The following KLRD1 variants were observed in gnomAD, a reference collection of about 807,000 sequenced individuals.
KLRD1 encodes natural killer cells antigen CD94.
A neutral mutation model predicts 22.6 loss-of-function variants in KLRD1; 21 were observed. The observed-to-expected ratio is 0.93, with a 90% CI of 0.66 to 1.34. KLRD1 has a LOEUF of 1.34. Among genes scored for constraint, KLRD1 ranks in the 40% most tolerant of loss-of-function variants. The pLI is 0.00. For missense variants in KLRD1, 183 were observed against 208.6 expected (o/e 0.88, Z 0.76); for synonymous variants, 59 against 71.1 (o/e 0.83, Z 0.85).
In KLRD1 at chr12:10,323,166, T is replaced by A. The variant is rs1372427132; in HGVS notation, c.*8373T>A. Reference sequence around the variant, plus strand: ...TGTGGGACATGTGGCTTCATATCTTTTGAGTGTACGCCTAGGAGTTGAATT... The same window carrying A: ...TGTGGGACATGTGGCTTCATATCTTATGAGTGTACGCCTAGGAGTTGAATT... On this transcript the variant is annotated 3_prime_UTR_variant, in exon 6 of 6. Transcript: ENST00000336164. 1 of 152,246 alleles carries A rather than the reference T, an allele frequency of 6.6e-6. No individual in the cohort carries two copies. The highest frequency in any genetic ancestry group is 1.5e-5 in the Non-Finnish European group (1 of 68,036). The allele number at this position is 152,246 out of a possible 1,614,324, so 9.4% of individuals were successfully genotyped here.
chr12:10,276,683 C>T (rs1949595185), intron 1 of KLRD1, among the ~76,000 whole-genome samples: 2 of 122,852 alleles, frequency 1.6e-5, no homozygotes, highest in Non-Finnish European at 3.4e-5. Context: ...CATGTGCCAC[C>T]ATAAAATTTG....
chr12:10,262,309 G>A lies in KLRD1; in HGVS notation c.-101+36076G>A, dbSNP rs567771434. Among the ~76,000 whole-genome samples, 3 of 152,136 alleles carry A rather than the reference G, an allele frequency of 2.0e-5. No individual in the cohort carries two copies. The East Asian group carries it at 5.8e-4, about 29-fold the overall frequency. ...ATTTTATTTTCAGTAGATATAAAAT[G>A]TCAGTTTTCTTCAAAGGAAGACCAA... On this transcript the variant is annotated intron_variant, in intron 1 of 5. Coordinates refer to the KLRD1 transcript ENST00000544747.
In KLRD1 at chr12:10,314,835, A is replaced by G. The variant is rs189603326; in HGVS notation, c.*42A>G. ...AGAAGGTGGAGAGTAAAGACCCAACATTACTAACAATGATACAGTTGCATG... is the reference window on the plus strand; with the variant it reads ...AGAAGGTGGAGAGTAAAGACCCAACGTTACTAACAATGATACAGTTGCATG... On this transcript the variant is annotated 3_prime_UTR_variant, in exon 6 of 6. Coordinates refer to ENST00000336164, the MANE Select transcript of KLRD1 (RefSeq NM_002262.5). The G allele has an allele frequency of 5.8e-5, 89 of 1,541,568 alleles. 1 individual carries two copies. The Admixed American group carries it at 1.3e-3, about 22-fold the overall frequency.
Position 10,242,127 on chromosome 12 carries a change from T to C in KLRD1, c.-101+15894T>C, listed in dbSNP as rs113674658. 4.0e-3 allele frequency among the ~76,000 whole-genome samples: 583 copies of C among 146,016 alleles called. 5 individuals carry two copies. The highest frequency in any genetic ancestry group is 0.014 in the African/African-American group (550 of 39,598). ...GACTGTCTTGCAGCTTCTAGTCAAATGAGAGCAATATGAGAAAAATGGGAT... is the reference window on the plus strand; with the variant it reads ...GACTGTCTTGCAGCTTCTAGTCAAACGAGAGCAATATGAGAAAAATGGGAT... On this transcript the variant is annotated intron_variant, in intron 1 of 5. Coordinates refer to the KLRD1 transcript ENST00000544747.
chr12:10,298,287 A>C (rs1386331425), intron 1 of KLRD1, among the ~76,000 whole-genome samples: 1 of 152,246 alleles, frequency 6.6e-6, no homozygotes, highest in Non-Finnish European at 1.5e-5. Flanking sequence ...TGATTGATAC[A>C]AATTACAGAA....
rs1230440637 is a variant in KLRD1 at position 10,329,207 on chromosome 12, ATT to A, written c.*14418_*14419del. ...CATCCCATAAGTTTTGTTAGACTTT[ATT>A]TTTGTTTTCATTTATTCTAATGTGT... On this transcript the variant is annotated 3_prime_UTR_variant, in exon 6 of 6. Transcript: ENST00000336164. 6.6e-6 allele frequency: 1 copy of A among 151,980 alleles called. No individual in the cohort carries two copies. Among genetic ancestry groups the A allele is most frequent in the Non-Finnish European group, 1.5e-5 (1 of 67,974 alleles). The allele number at this position is 151,980 out of a possible 1,614,324, so 9.4% of individuals were successfully genotyped here.
At chr12:10,256,137 C>T (rs1949393152) in intron 1 of KLRD1, among the ~76,000 whole-genome samples, 1 of 151,832 alleles carries the variant, frequency 6.6e-6, no homozygotes, top group Admixed American at 6.6e-5. Flanking sequence ...ATCCCAATTT[C>T]TTTTGGTTAC....
At position 10,317,502 on chromosome 12, in the gene KLRD1, T is replaced by A. The variant is rs1950257534; in HGVS notation, c.*2709T>A. 1 of 152,226 alleles carries A rather than the reference T, an allele frequency of 6.6e-6. No individual in the cohort carries two copies. Among genetic ancestry groups the A allele is most frequent in the Non-Finnish European group, 1.5e-5 (1 of 68,046 alleles). 9.4% of individuals were successfully genotyped at this position (152,226 alleles called of 1,614,324 possible). The stretch of plus-strand genomic sequence containing the variant: ...GCATTATCAGTACTGGACAAAGCCC[T>A]CTGCAGCATACAGCATAAACACTAT... On this transcript the variant is annotated 3_prime_UTR_variant, in exon 6 of 6. Transcript: ENST00000336164.
chr12:10,253,298 G>A (rs1223590072), intron 1 of KLRD1, among the ~76,000 whole-genome samples: 2 of 152,218 alleles, frequency 1.3e-5, no homozygotes, highest in Non-Finnish European at 2.9e-5. Flanking sequence ...CAGCTGTCCC[G>A]CAGGTCACTG....
chr12:10,316,565 C>T lies in KLRD1; in HGVS notation c.*1772C>T, dbSNP rs1360713822. ...CTCAGGTGCGAGCCATCATGCTCAG[C>T]TAATTTTTTGTATCATTTGTAGAAA... On this transcript the variant is annotated 3_prime_UTR_variant, in exon 6 of 6. Transcript: ENST00000336164. 1 of 152,118 alleles carries T rather than the reference C, an allele frequency of 6.6e-6. No homozygotes were observed. The highest frequency in any genetic ancestry group is 6.5e-5 in the Admixed American group (1 of 15,272). 9.4% of individuals were successfully genotyped at this position (152,118 alleles called of 1,614,324 possible).
In KLRD1 at chr12:10,319,865, CTTTTTTTTTT is replaced by C. The variant is rs750763577; in HGVS notation, c.*5083_*5092del. 8.6e-6 allele frequency: 1 copy of C among 116,892 alleles called. No individual in the cohort carries two copies. Among genetic ancestry groups the C allele is most frequent in the African/African-American group, 3.2e-5 (1 of 30,854 alleles). The allele number at this position is 116,892 out of a possible 1,614,324, so 7.2% of individuals were successfully genotyped here. ...TGTGTGAAATAGTAAAGTGTTTATTCTTTTTTTTTTTTTTTTTTTTGACAGAGTCTCACTC... is the reference window on the plus strand; with the variant it reads ...TGTGTGAAATAGTAAAGTGTTTATTCTTTTTTTTTTGACAGAGTCTCACTC... On this transcript the variant is annotated 3_prime_UTR_variant, in exon 6 of 6. Transcript: ENST00000336164.
intron 1 of KLRD1, among the ~76,000 whole-genome samples, chr12:10,255,063 G>A (rs1949382046): frequency 6.6e-6 from 1 of 151,642 alleles, no homozygotes; most frequent in Non-Finnish European, 1.5e-5. Context: ...ACATCAGTCA[G>A]AATGCCTATT....
At chr12:10,249,297 A>G (rs974138588) in intron 1 of KLRD1, among the ~76,000 whole-genome samples, 11 of 152,170 alleles carry the variant, frequency 7.2e-5, no homozygotes, top group African/African-American at 2.7e-4. Flanking sequence ...ATTTCATGAA[A>G]GAAAGAGAAA....
chr12:10,274,582 A>G (rs562477050), intron 1 of KLRD1, among the ~76,000 whole-genome samples: 10 of 152,284 alleles, frequency 6.6e-5, no homozygotes, highest in African/African-American at 2.4e-4. Flanking sequence ...AAACTGCCAT[A>G]TGTTTAATTT....
chr12:10,276,745 G>A (rs1949596188), intron 1 of KLRD1, among the ~76,000 whole-genome samples: 1 of 151,798 alleles, frequency 6.6e-6, no homozygotes, highest in Admixed American at 6.6e-5. Flanking sequence ...GATAATCAAG[G>A]TGAAATTTGA....
At chr12:10,295,520 TAAAA>T (rs1354679604) in intron 1 of KLRD1, among the ~76,000 whole-genome samples, 1 of 151,074 alleles carries the variant, frequency 6.6e-6, no homozygotes, top group African/African-American at 2.4e-5. Context: ...TGGAAAAAAA[TAAAA>T]AAACAAAATT....
At chr12:10,263,787 C>CAATA (rs1187626481) in intron 1 of KLRD1, among the ~76,000 whole-genome samples, 6 of 151,944 alleles carry the variant, frequency 3.9e-5, no homozygotes, top group African/African-American at 1.4e-4. Context: ...TGAGTCGTTC[C>CAATA]CTCGCCAGAC....
chr12:10,299,878 T>A (rs1236864931), upstream of KLRD1, among the ~76,000 whole-genome samples: 1 of 152,212 alleles, frequency 6.6e-6, no homozygotes, highest in African/African-American at 2.4e-5. Flanking sequence ...TGTATATTCA[T>A]AGGAGTAGAT....
chr12:10,265,956 C>T (rs951218142), intron 1 of KLRD1, among the ~76,000 whole-genome samples: 11 of 152,026 alleles, frequency 7.2e-5, no homozygotes, highest in Non-Finnish European at 1.5e-4. Flanking sequence ...GTGAAGAACA[C>T]CTCCCTTCAT....
Sources: gnomAD v4.1 joint callset for allele counts (sites outside exome capture counted in the v4.1 genomes callset) on GRCh38, gnomAD v4.1.1 for gene constraint, MANE v1.5 for transcripts, NCBI Gene and HGNC (gene_info 2026-07-23, HGNC 2026-07-21) for gene names.